The following DNAH5 variants were observed in gnomAD, a reference collection of about 807,000 sequenced individuals.
DNAH5 encodes the protein dynein axonemal heavy chain 5.
DNAH5 carries 372 observed loss-of-function variants against 518.2 expected under a neutral mutation model. That is an observed-to-expected ratio of 0.72 (90% CI 0.66 to 0.78). The LOEUF is 0.78. DNAH5 is among the 30% of genes least tolerant of loss of function. DNAH5 has a pLI of 0.00. For missense variants in DNAH5, 5,523 were observed against 5,687.0 expected (o/e 0.97, Z 0.93); for synonymous variants, 2,039 against 2,025.9 (o/e 1.01, Z -0.17).
chr5:13,736,010 T>G (rs1178491171), intron 66 of DNAH5, 78 bp from the exon 67 acceptor site: 20 of 1,205,108 alleles, frequency 1.7e-5, no homozygotes, highest in Non-Finnish European at 2.3e-5. Flanking sequence ...CAGCCTAAAC[T>G]CTAAATGAAA....
rs574984387 is a variant in DNAH5 at position 13,761,588 on chromosome 5, G to A, written c.10281+1134C>T. On this transcript the variant is annotated intron_variant, in intron 60 of 78. Transcript: ENST00000265104. The stretch of plus-strand genomic sequence containing the variant: ...AGCCTGGGTGACAGAGAAAGACTCC[G>A]TCTCAAAAAAAAAAAAAAGACACTA... Among the ~76,000 whole-genome samples the A allele has an allele frequency of 5.6e-3, 479 of 85,010 alleles. 1 individual carries two copies. The highest frequency in any genetic ancestry group is 8.7e-3 in the Non-Finnish European group (396 of 45,464). The allele number at this position is 85,010 out of a possible 152,430, so 55.8% of individuals were successfully genotyped here.
chr5:13,876,855 C>G, intron 21 of DNAH5, 38 bp from the exon 22 acceptor site: 1 of 1,600,020 alleles, frequency 6.2e-7, no homozygotes, highest in Non-Finnish European at 8.6e-7. Context: ...TTACACTACT[C>G]ACACAAGAAT....
chr5:13,786,076 T>C, intron 52 of DNAH5, 103 bp downstream of exon 52: 2 of 1,208,672 alleles, frequency 1.7e-6, no homozygotes, highest in African/African-American at 3.0e-5. Flanking sequence ...AATTTTAAAC[T>C]GAAGATTCTC....
chr5:13,759,758 C>T (rs549339969), intron 60 of DNAH5, among the ~76,000 whole-genome samples: 1 of 152,098 alleles, frequency 6.6e-6, no homozygotes, highest in Non-Finnish European at 1.5e-5. Context: ...AATTTAGATC[C>T]TTTAAAATCA....
intron 21 of DNAH5, among the ~76,000 whole-genome samples, chr5:13,881,805 T>G (rs1037037323): frequency 3.3e-5 from 5 of 151,888 alleles, no homozygotes; most frequent in Non-Finnish European, 7.4e-5. Flanking sequence ...AAGCCCAAAG[T>G]TAGCAGAAGG....
chr5:13,910,138 T>C (rs1264358231), intron 12 of DNAH5, among the ~76,000 whole-genome samples: 3 of 152,174 alleles, frequency 2.0e-5, no homozygotes, highest in Non-Finnish European at 2.9e-5. Context: ...TAAATTATTA[T>C]AGGTACTCTC....
chr5:13,984,535 G>A (rs1027499038), intron 1 of DNAH5, among the ~76,000 whole-genome samples: 3 of 152,138 alleles, frequency 2.0e-5, no homozygotes, highest in Non-Finnish European at 4.4e-5. Context: ...TCTCCTGCCT[G>A]ATTGCCCTGG....
At chr5:13,781,381 A>G (rs909400901) in intron 52 of DNAH5, among the ~76,000 whole-genome samples, 1 of 152,190 alleles carries the variant, frequency 6.6e-6, no homozygotes, top group African/African-American at 2.4e-5. Flanking sequence ...GTTGATGAGA[A>G]TATCCTCCAC....
intron 1 of DNAH5, among the ~76,000 whole-genome samples, chr5:14,006,074 C>G (rs1784707352): frequency 7.0e-6 from 1 of 143,708 alleles, no homozygotes; most frequent in Admixed American, 7.0e-5. Context: ...CAACACCTCC[C>G]CACACCCAAC....
intron 1 of DNAH5, among the ~76,000 whole-genome samples, chr5:14,007,396 T>G (rs780506485): frequency 4.1e-4 from 62 of 152,268 alleles, no homozygotes; most frequent in Non-Finnish European, 6.6e-4. Context: ...ACCCACTCCC[T>G]GGGGTGGATA....
intron 47 of DNAH5, among the ~76,000 whole-genome samples, chr5:13,802,063 T>C (rs1417326034): frequency 6.6e-6 from 1 of 152,070 alleles, no homozygotes; most frequent in Non-Finnish European, 1.5e-5. Context: ...CAGTTACTGA[T>C]TTTTAAAAAA....
At chr5:13,955,375 A>G (rs1225986513) in intron 1 of DNAH5, among the ~76,000 whole-genome samples, 1 of 152,200 alleles carries the variant, frequency 6.6e-6, no homozygotes, top group African/African-American at 2.4e-5. Flanking sequence ...AGTCTCAGGT[A>G]TGTCTTTATA....
intron 32 of DNAH5, 117 bp downstream of exon 32, chr5:13,844,720 A>G (rs1765732636): frequency 1.5e-6 from 2 of 1,324,370 alleles, no homozygotes; most frequent in African/African-American, 2.9e-5. Flanking sequence ...TCACTGGCCA[A>G]GAGCTAATGA....
At chr5:13,983,380 A>G (rs1194200934) in intron 1 of DNAH5, among the ~76,000 whole-genome samples, 1 of 152,096 alleles carries the variant, frequency 6.6e-6, no homozygotes, top group Non-Finnish European at 1.5e-5. Context: ...AACCCCTTAC[A>G]CTCTTAAAAA....
At chr5:13,915,961 A>G (rs1776603022) in intron 9 of DNAH5, among the ~76,000 whole-genome samples, 3 of 152,104 alleles carry the variant, frequency 2.0e-5, no homozygotes, top group East Asian at 1.9e-4. Context: ...TGTGGCATCA[A>G]ATAAATTTGG....
rs550492541 is a variant in DNAH5, at chr5:13,719,629, A to C, written c.12280-528T>G. ...CCAAATTCTGCCTGCCTTAATGAAA[A>C]ATGAGAAGTTGATTTTCTACAGAAG... On this transcript the variant is annotated intron_variant, in intron 71 of 78. Transcript: ENST00000265104. Among the ~76,000 whole-genome samples, 25 of 152,298 alleles carry C rather than the reference A, an allele frequency of 1.6e-4. No homozygotes were observed. The South Asian group carries it at 4.4e-3, about 27-fold the overall frequency.
At position 13,900,229 on chromosome 5, in the gene DNAH5, T is replaced by G; in HGVS notation, c.2236A>C (p.Lys746Gln). 6.2e-7 allele frequency: 1 copy of G among 1,614,094 alleles called. No homozygotes were observed. The highest frequency in any genetic ancestry group is 8.5e-7 in the Non-Finnish European group (1 of 1,179,922). Residue 746 changes from lysine (K) to glutamine (Q), a missense_variant, in exon 15 of 79, where the codon AAA (lysine) becomes CAA (glutamine). Physicochemically the swap from Lys to Gln is moderately conservative, Grantham distance 53 (BLOSUM62 1). Transcript: ENST00000265104. Reference sequence around the variant, plus strand: ...ACCTTCATGTTACTGAAGTTCCTTTTGTATCTATCTCGTTTCTGGAAGAGG... The same window carrying G: ...ACCTTCATGTTACTGAAGTTCCTTTGGTATCTATCTCGTTTCTGGAAGAGG... ...TSLFQKRDRY[K>Q]RNFSNMKMML... is the part of the protein sequence containing the mutation.
rs765892530 is a variant in DNAH5 at position 13,792,099 on chromosome 5, C to G, written c.8343G>C (p.Met2781Ile). Residue 2781 changes from methionine to isoleucine, a missense_variant, in exon 50 of 79, where the codon ATG (methionine) becomes ATC (isoleucine). Around this residue, in one of 3 missense-constraint regions of DNAH5, gnomAD observed 5,121 missense variants for 5,223.3 expected, o/e 0.98. Transcript: ENST00000265104. ...AATGGAATTTTGCAGGGGTAGGAAGCATTTTAATCTTGGTCATCTGCCATA... is the reference window on the plus strand; with the variant it reads ...AATGGAATTTTGCAGGGGTAGGAAGGATTTTAATCTTGGTCATCTGCCATA... ...RRLWQMTKIK[M>I]LPTPAKFHYV... The G allele has an allele frequency of 6.2e-7, 1 of 1,613,994 alleles. No individual in the cohort carries two copies. The highest frequency in any genetic ancestry group is 1.3e-5 in the African/African-American group (1 of 75,014).
chr5:13,981,115 A>G (rs992616805), intron 1 of DNAH5, among the ~76,000 whole-genome samples: 2 of 152,196 alleles, frequency 1.3e-5, no homozygotes, highest in African/African-American at 4.8e-5. Flanking sequence ...TTGACATAGT[A>G]CATATTATCC....
Sources: allele counts gnomAD v4.1 joint callset (sites outside exome capture counted in the v4.1 genomes callset), GRCh38; gene constraint gnomAD v4.1.1; regional missense constraint gnomAD v4.1.1; transcripts MANE v1.5; gene names NCBI Gene and HGNC (gene_info 2026-07-23, HGNC 2026-07-21).